The following DDAH1 variants were observed in gnomAD, a reference collection of about 807,000 sequenced individuals.
DDAH1 encodes the protein dimethylarginine dimethylaminohydrolase 1.
Under a neutral mutation model 28.8 loss-of-function variants are expected in DDAH1, and 19 were observed. That is an observed-to-expected ratio of 0.66 (90% confidence interval 0.46 to 0.97). The LOEUF is 0.97. Among genes scored for constraint, DDAH1 ranks in the 50% least tolerant of loss-of-function variants. The pLI, the probability that DDAH1 is intolerant of heterozygous loss-of-function variation, is 0.00. For missense variants in DDAH1, 326 were observed against 375.9 expected (o/e 0.87, Z 1.10); for synonymous variants, 153 against 154.4 (o/e 0.99, Z 0.07).
rs1227487189 is a variant in DDAH1, at chr1:85,354,635, C to T, written c.404-3056G>A. ...ATTACAGTTATGAGTTAGTGTTCCACCAACTTGCAATAATAACCAATAAGT... is the reference window on the plus strand; with the variant it reads ...ATTACAGTTATGAGTTAGTGTTCCATCAACTTGCAATAATAACCAATAAGT... On this transcript the variant is annotated intron_variant, in intron 2 of 5. Transcript: ENST00000284031. Among the ~76,000 whole-genome samples the T allele has an allele frequency of 2.0e-5, 3 of 151,890 alleles. No homozygotes were observed. The East Asian group carries it at 5.8e-4, about 29-fold the overall frequency.
At chr1:85,572,699 T>C (rs1024015798) in intron 1 of DDAH1, among the ~76,000 whole-genome samples, 3 of 152,216 alleles carry the variant, frequency 2.0e-5, no homozygotes, top group African/African-American at 7.2e-5. Flanking sequence ...AGGCATGGCA[T>C]TTTTTACCTC....
chr1:85,350,478 G>A lies in DDAH1; in HGVS notation c.534C>T (p.Cys178=). The change falls in exon 4 of 6, where the codon TGC becomes TGT. Residue 178 remains cysteine, a synonymous_variant. Coordinates refer to ENST00000284031, the MANE Select transcript of DDAH1 (RefSeq NM_012137.4). ...CGATCAGGTTAGGCCCAGCCATGCTGCAGAAACTCTTCAAATGCAACCCAT... is the reference window on the plus strand; with the variant it reads ...CGATCAGGTTAGGCCCAGCCATGCTACAGAAACTCTTCAAATGCAACCCAT... ...VADGLHLKSF[C]SMAGPNLIAI... 1 of 1,614,120 alleles carries A rather than the reference G, an allele frequency of 6.2e-7. No homozygotes were observed. The highest frequency in any genetic ancestry group is 1.3e-5 in the African/African-American group (1 of 75,018).
At chr1:85,543,931 CAA>C (rs1460414335) in intron 1 of DDAH1, among the ~76,000 whole-genome samples, 1 of 152,100 alleles carries the variant, frequency 6.6e-6, no homozygotes, top group African/African-American at 2.4e-5. Context: ...CATTAAAGAA[CAA>C]AGACAATGCT....
At chr1:85,453,368 T>C (rs765870048) in intron 1 of DDAH1, among the ~76,000 whole-genome samples, 7 of 152,200 alleles carry the variant, frequency 4.6e-5, no homozygotes, top group Non-Finnish European at 1.0e-4. Flanking sequence ...CCATTTTTTC[T>C]CATGTAATTA....
intron 1 of DDAH1, among the ~76,000 whole-genome samples, chr1:85,378,972 T>C (rs1650827533): frequency 9.9e-5 from 15 of 152,152 alleles, no homozygotes; most frequent in Admixed American, 9.8e-4. Flanking sequence ...CTTTACCATT[T>C]CTAAATTTCC....
intron 1 of DDAH1, among the ~76,000 whole-genome samples, chr1:85,551,283 A>C (rs570113788): frequency 6.6e-6 from 1 of 152,340 alleles, no homozygotes; most frequent in Admixed American, 6.5e-5. Context: ...GCTGCTCATG[A>C]TACCTCTGGG....
At chr1:85,460,961 G>A (rs571300618) in intron 1 of DDAH1, among the ~76,000 whole-genome samples, 35 of 152,084 alleles carry the variant, frequency 2.3e-4, no homozygotes, top group Non-Finnish European at 4.7e-4. Flanking sequence ...TTTAAACATT[G>A]ACTTTTGGCC....
At chr1:85,534,293 T>C (rs1439162446) in intron 1 of DDAH1, among the ~76,000 whole-genome samples, 3 of 152,086 alleles carry the variant, frequency 2.0e-5, no homozygotes, top group African/African-American at 7.2e-5. Context: ...AAAGACACCA[T>C]GAACTTATAA....
intron 1 of DDAH1, among the ~76,000 whole-genome samples, chr1:85,572,693 A>G (rs1308595731): frequency 1.3e-5 from 2 of 152,232 alleles, no homozygotes; most frequent in Non-Finnish European, 2.9e-5. Context: ...ACGCTCAGGC[A>G]TGGCATTTTT....
chr1:85,358,928 A>C, intron 1 of DDAH1, 81 bp from the exon 2 acceptor site: 1 of 1,042,558 alleles, frequency 9.6e-7, no homozygotes, highest in Non-Finnish European at 1.5e-6. Context: ...TAAACACTAA[A>C]TCAAGCTCTC....
intron 1 of DDAH1, among the ~76,000 whole-genome samples, chr1:85,458,422 CACTT>C (rs1654993630): frequency 7.2e-6 from 1 of 138,590 alleles, no homozygotes; most frequent in Non-Finnish European, 1.5e-5. Context: ...ATTACACACA[CACTT>C]TTTTTTTTTT....
chr1:85,356,667 C>A (rs1005900362), intron 2 of DDAH1, among the ~76,000 whole-genome samples: 1 of 152,186 alleles, frequency 6.6e-6, no homozygotes, highest in Non-Finnish European at 1.5e-5. Context: ...CCAACATCAT[C>A]TCAGTTTTGA....
intron 1 of DDAH1, chr1:85,447,788 T>A (rs1654501732): frequency 6.6e-6 from 1 of 152,228 alleles, no homozygotes; most frequent in Admixed American, 6.5e-5. Context: ...CTGAATTTCC[T>A]CATCAACAGG....
At chr1:85,478,618 T>C (rs1358375238) in intron 2 of DDAH1, among the ~76,000 whole-genome samples, 1 of 152,182 alleles carries the variant, frequency 6.6e-6, no homozygotes, top group Non-Finnish European at 1.5e-5. Context: ...TCTCACAACA[T>C]GTGGGGATTA....
intron 1 of DDAH1, among the ~76,000 whole-genome samples, chr1:85,524,810 A>C (rs1657808938): frequency 6.6e-6 from 1 of 151,124 alleles, no homozygotes. Context: ...GCAGTGTCCC[A>C]ACAAGAAAAA....
At chr1:85,465,681 C>G (rs563016475), upstream of DDAH1, among the ~76,000 whole-genome samples, 24 of 152,132 alleles carry the variant, frequency 1.6e-4, no homozygotes, top group East Asian at 4.5e-3. Context: ...TGTGTGTGTT[C>G]GCGTGTGTGT....
chr1:85,519,968 T>TC (rs11327767), intron 1 of DDAH1, among the ~76,000 whole-genome samples: 3 of 111,308 alleles, frequency 2.7e-5, no homozygotes, highest in African/African-American at 8.4e-5. Context: ...TTCTTTTTTT[T>TC]CCCCTTTATT....
At chr1:85,489,928 AAGAC>A (rs745585209) in intron 2 of DDAH1, among the ~76,000 whole-genome samples, 61 of 152,166 alleles carry the variant, frequency 4.0e-4, no homozygotes, top group Non-Finnish European at 7.6e-4. Flanking sequence ...GGGAAGAAGA[AAGAC>A]AGGATTATGA....
intron 1 of DDAH1, chr1:85,577,915 C>G (rs565674120): frequency 1.0e-6 from 1 of 954,466 alleles, no homozygotes; most frequent in African/African-American, 1.8e-5. Context: ...CTGGGGCACC[C>G]GTATGGGGAG....
Sources: gnomAD v4.1 joint callset for allele counts (sites outside exome capture counted in the v4.1 genomes callset) on GRCh38, gnomAD v4.1.1 for gene constraint, MANE v1.5 for transcripts, NCBI Gene and HGNC (gene_info 2026-07-23, HGNC 2026-07-21) for gene names.